The following NCOA7 variants were observed in gnomAD, a reference collection of about 807,000 sequenced individuals.
The protein encoded by NCOA7 is nuclear receptor coactivator 7, also known as 140 kDa estrogen receptor-associated protein.
NCOA7 carries 45 observed loss-of-function variants against 104.3 expected under a neutral mutation model. That is an observed-to-expected ratio of 0.43 (90% CI 0.34 to 0.55). NCOA7 has a LOEUF of 0.55. NCOA7 is among the 20% of genes least tolerant of loss of function. The pLI is 0.02. For synonymous variants in NCOA7, 398 were observed against 402.3 expected (o/e 0.99, Z 0.13); for missense variants, 1,041 against 1,119.7 (o/e 0.93, Z 1.00).
chr6:125,784,987 A>AAC (rs3084325), intron 1 of NCOA7, among the ~76,000 whole-genome samples: 3,633 of 148,368 alleles, frequency 0.024, 51 homozygotes, highest in East Asian at 0.058. Context: ...GTTGCATATA[A>AAC]ACACACACAC....
chr6:125,790,188 G>C (rs1019453909), upstream of NCOA7, among the ~76,000 whole-genome samples: 1 of 152,230 alleles, frequency 6.6e-6, no homozygotes, highest in African/African-American at 2.4e-5. Context: ...TCTGTTAAAC[G>C]CAACGCCAGA....
chr6:125,789,562 A>G (rs1774643821), upstream of NCOA7, among the ~76,000 whole-genome samples: 1 of 152,256 alleles, frequency 6.6e-6, no homozygotes, highest in Non-Finnish European at 1.5e-5. Flanking sequence ...ACTAAATGCT[A>G]AACAATTTAC....
intron 10 of NCOA7, among the ~76,000 whole-genome samples, chr6:125,905,247 A>G (rs565271031): frequency 6.7e-6 from 1 of 149,750 alleles, no homozygotes; most frequent in African/African-American, 2.5e-5. Context: ...TGAGGGAAGG[A>G]ATAAGATTTT....
chr6:125,827,827 A>G (rs1280143054), intron 2 of NCOA7, among the ~76,000 whole-genome samples: 3 of 152,252 alleles, frequency 2.0e-5, no homozygotes, highest in Non-Finnish European at 2.9e-5. Flanking sequence ...ATGCACAGGC[A>G]ATGTTAAGAG....
At chr6:125,839,160 C>G (rs1779890334) in intron 2 of NCOA7, among the ~76,000 whole-genome samples, 1 of 152,132 alleles carries the variant, frequency 6.6e-6, no homozygotes, top group Non-Finnish European at 1.5e-5. Context: ...CTCTGTCACC[C>G]AGGCTAGAGT....
In NCOA7 at chr6:125,889,569, C is replaced by T. The variant is rs2128658089; in HGVS notation, c.1515C>T (p.Ser505=). 1 of 1,613,892 alleles carries T rather than the reference C, an allele frequency of 6.2e-7. No individual in the cohort carries two copies. Among genetic ancestry groups the T allele is most frequent in the South Asian group, 1.1e-5 (1 of 91,052 alleles). ...ACAAGCAGTCTGGTTCGCCAGAAAG[C>T]CGAGTAGAAAACACACTGAACATAC... is the stretch of plus-strand genomic sequence containing the variant. The part of the protein sequence containing the change: ...EVDKQSGSPE[S]RVENTLNIHE... The change falls in exon 9 of 16, where the codon AGC becomes AGT. Residue 505 remains serine (S), a synonymous_variant. Coordinates refer to ENST00000392477, the MANE Select transcript of NCOA7 (RefSeq NM_181782.5).
chr6:125,911,315 C>T (rs900590414), intron 10 of NCOA7, among the ~76,000 whole-genome samples: 1 of 152,264 alleles, frequency 6.6e-6, no homozygotes, highest in Non-Finnish European at 1.5e-5. Context: ...TATGCAAGCC[C>T]TGCCTCAGTT....
chr6:125,833,562 G>A (rs1365416018), intron 2 of NCOA7, among the ~76,000 whole-genome samples: 1 of 122,564 alleles, frequency 8.2e-6, no homozygotes, highest in Non-Finnish European at 1.6e-5. Context: ...AACAGAGCAA[G>A]ATTCTGTCAA....
chr6:125,795,227 T>A (rs1274317975), intron 1 of NCOA7, among the ~76,000 whole-genome samples: 6 of 152,190 alleles, frequency 3.9e-5, no homozygotes, highest in Admixed American at 2.0e-4. Context: ...GGCATAAAAA[T>A]GATCTGAATT....
At chr6:125,897,276 C>G (rs1583489734) in intron 10 of NCOA7, among the ~76,000 whole-genome samples, 1 of 152,156 alleles carries the variant, frequency 6.6e-6, no homozygotes, top group South Asian at 2.1e-4. Context: ...GCTCAAGGCC[C>G]CTTTTTAAGA....
chr6:125,822,779 A>G (rs1180643934), intron 2 of NCOA7, among the ~76,000 whole-genome samples: 1 of 152,094 alleles, frequency 6.6e-6, no homozygotes, highest in African/African-American at 2.4e-5. Context: ...TACTAAAAAT[A>G]CAAAAATTAG....
intron 2 of NCOA7, among the ~76,000 whole-genome samples, chr6:125,849,379 T>C (rs1780920903): frequency 6.6e-6 from 1 of 152,326 alleles, no homozygotes; most frequent in South Asian, 2.1e-4. Flanking sequence ...TGGAAAGGTA[T>C]AAATAAGAAG....
chr6:125,813,419 C>T (rs1048729891), intron 1 of NCOA7, among the ~76,000 whole-genome samples: 5 of 151,124 alleles, frequency 3.3e-5, no homozygotes, highest in Admixed American at 1.3e-4. Context: ...TTGAAACCTG[C>T]TTGCTCGTAC....
intron 2 of NCOA7, among the ~76,000 whole-genome samples, chr6:125,854,508 T>C (rs1781389937): frequency 6.6e-6 from 1 of 152,238 alleles, no homozygotes; most frequent in Non-Finnish European, 1.5e-5. Context: ...GCCATATGTT[T>C]AAAGGAAAAG....
chr6:125,804,770 A>C (rs1333916760), intron 1 of NCOA7, among the ~76,000 whole-genome samples: 1 of 152,218 alleles, frequency 6.6e-6, no homozygotes, highest in Non-Finnish European at 1.5e-5. Flanking sequence ...TAAGAGAAAC[A>C]AAGAAATAAA....
intron 1 of NCOA7, among the ~76,000 whole-genome samples, chr6:125,802,968 T>C (rs1349375213): frequency 6.6e-6 from 1 of 152,234 alleles, no homozygotes; most frequent in Non-Finnish European, 1.5e-5. Flanking sequence ...GAACCCACGT[T>C]TGTGTATTTA....
intron 2 of NCOA7, among the ~76,000 whole-genome samples, chr6:125,846,962 T>G (rs1345280795): frequency 2.6e-5 from 4 of 152,240 alleles, no homozygotes; most frequent in African/African-American, 9.6e-5. Context: ...AGAAAGCTGT[T>G]TAAAGCTTGT....
At chr6:125,810,928 T>G (rs907209951) in intron 1 of NCOA7, among the ~76,000 whole-genome samples, 21 of 152,346 alleles carry the variant, frequency 1.4e-4, no homozygotes, top group Admixed American at 3.9e-4. Context: ...TATTGGATCA[T>G]TTAATCTTTT....
intron 10 of NCOA7, among the ~76,000 whole-genome samples, chr6:125,900,964 C>T (rs1371506994): frequency 6.6e-6 from 1 of 152,160 alleles, no homozygotes; most frequent in Non-Finnish European, 1.5e-5. Context: ...TAAAGGCAGT[C>T]GTTTTCTAGC....
Sources: gnomAD v4.1 joint callset for allele counts (sites outside exome capture counted in the v4.1 genomes callset) on GRCh38, gnomAD v4.1.1 for gene constraint, MANE v1.5 for transcripts, NCBI Gene and HGNC (gene_info 2026-07-23, HGNC 2026-07-21) for gene names.